NAV2: variants seen among roughly 807,000 people sequenced by gnomAD.
NAV2 encodes the protein helicase, APC down-regulated 1.
In NAV2, 54 loss-of-function variants were observed where a neutral mutation model predicts 223.2. That is an observed-to-expected ratio of 0.24 (90% CI 0.19 to 0.30). The LOEUF is 0.30. NAV2 is among the 10% of genes least tolerant of loss of function. The pLI, the probability that NAV2 is intolerant of heterozygous loss-of-function variation, is 1.00. For synonymous variants in NAV2, 1,279 were observed against 1,239.3 expected, an observed-to-expected ratio of 1.03 and a Z score of -0.67; for missense variants, 2,806 against 3,147.5, an observed-to-expected ratio of 0.89 and a Z score of 2.60.
At chr11:19,405,245 A>G (rs1237561633) in intron 1 of NAV2, among the ~76,000 whole-genome samples, 2 of 152,204 alleles carry the variant, frequency 1.3e-5, no homozygotes, top group Non-Finnish European at 2.9e-5. Flanking sequence ...TGGGGAGATC[A>G]TGGAAAGGAA....
chr11:19,960,929 GC>G (rs143945218), intron 10 of NAV2, among the ~76,000 whole-genome samples: 6,976 of 151,934 alleles, frequency 0.046, 567 homozygotes, highest in African/African-American at 0.16. Context: ...CACCCTCTTT[GC>G]CTGGAGAGTA....
intron 1 of NAV2, among the ~76,000 whole-genome samples, chr11:19,422,518 G>A (rs1850658741): frequency 6.6e-6 from 1 of 152,304 alleles, no homozygotes; most frequent in East Asian, 1.9e-4. Context: ...TGTGGGTTGG[G>A]TAGGAGCTGG....
At chr11:19,636,045 G>T (rs894600444) in intron 1 of NAV2, among the ~76,000 whole-genome samples, 1 of 152,208 alleles carries the variant, frequency 6.6e-6, no homozygotes, top group Non-Finnish European at 1.5e-5. Flanking sequence ...CTCATGAAAT[G>T]ACAACGAACT....
In NAV2 at chr11:19,361,658, T is replaced by A. The variant is rs1452255538; in HGVS notation, c.75+10631T>A. ...GATCAATACAGCTTGAAAACGTGAGTGTGGGATGTGTGAGCTCTCTTTTCT... is the reference window on the plus strand; with the variant it reads ...GATCAATACAGCTTGAAAACGTGAGAGTGGGATGTGTGAGCTCTCTTTTCT... On this transcript the variant is annotated intron_variant, in intron 1 of 37. Transcript: ENST00000360655. Among the ~76,000 whole-genome samples the A allele has an allele frequency of 2.0e-5, 3 of 152,150 alleles. No individual in the cohort carries two copies. In the East Asian group the frequency reaches 5.8e-4, roughly 29 times the overall value.
intron 1 of NAV2, among the ~76,000 whole-genome samples, chr11:19,669,237 CCATGTTGGACACCTA>C (rs2135790749): frequency 6.6e-6 from 1 of 152,344 alleles, no homozygotes; most frequent in Admixed American, 6.5e-5. Context: ...CAGGCTCCAG[CCATGTTGGACACCTA>C]CATGCACTGT....
At chr11:20,043,905 C>A in intron 12 of NAV2, 76 bp from the exon 13 acceptor site, 1 of 1,431,152 alleles carries the variant, frequency 7.0e-7, no homozygotes. Context: ...AGTGTTTTGG[C>A]ATTTTTGCCT....
intron 26 of NAV2, among the ~76,000 whole-genome samples, chr11:20,086,482 T>C (rs1228743890): frequency 6.6e-6 from 1 of 152,216 alleles, no homozygotes; most frequent in East Asian, 1.9e-4. Flanking sequence ...GTGCTCCCCA[T>C]GGTCCCTTTG....
At chr11:19,486,834 A>T (rs1308127025) in intron 1 of NAV2, among the ~76,000 whole-genome samples, 1 of 152,232 alleles carries the variant, frequency 6.6e-6, no homozygotes, top group East Asian at 1.9e-4. Context: ...TGAATGAAGG[A>T]ATGAATGGGT....
chr11:19,918,132 C>T (rs886282270), intron 6 of NAV2, among the ~76,000 whole-genome samples: 19 of 152,252 alleles, frequency 1.2e-4, no homozygotes, highest in African/African-American at 4.6e-4. Context: ...AAGCCCAGTG[C>T]ACCTCAGTGT....
chr11:19,601,289 C>T (rs2046344015), intron 1 of NAV2, among the ~76,000 whole-genome samples: 12 of 152,224 alleles, frequency 7.9e-5, no homozygotes, highest in Admixed American at 7.9e-4. Context: ...CTACTTGGAA[C>T]ATCCTCCCTT....
chr11:19,897,358 T>A (rs12223461), intron 6 of NAV2, among the ~76,000 whole-genome samples: 34,208 of 151,904 alleles, frequency 0.23, 4,351 homozygotes, highest in East Asian at 0.48. Flanking sequence ...GTTGTGCACA[T>A]GTACCCTAAA....
intron 1 of NAV2, among the ~76,000 whole-genome samples, chr11:19,632,095 C>T (rs2135499223): frequency 6.6e-6 from 1 of 152,300 alleles, no homozygotes; most frequent in African/African-American, 2.4e-5. Flanking sequence ...TTACATGTCG[C>T]TTCAAAGGCC....
chr11:19,865,085 G>T (rs2062012321), intron 3 of NAV2, among the ~76,000 whole-genome samples: 1 of 152,184 alleles, frequency 6.6e-6, no homozygotes, highest in African/African-American at 2.4e-5. Context: ...TTGGAAAGTA[G>T]TTTATATTGG....
chr11:19,876,066 A>G (rs988951051), intron 4 of NAV2, among the ~76,000 whole-genome samples: 1 of 152,056 alleles, frequency 6.6e-6, no homozygotes, highest in Non-Finnish European at 1.5e-5. Flanking sequence ...TGCTCTGTTG[A>G]CCAGGCTGGA....
intron 1 of NAV2, among the ~76,000 whole-genome samples, chr11:19,763,692 T>C (rs1024628102): frequency 8.5e-5 from 13 of 152,092 alleles, no homozygotes; most frequent in Admixed American, 4.6e-4. Flanking sequence ...CTCAGCTCCA[T>C]GGGAGACTGT....
chr11:19,767,777 G>A (rs1360748520), intron 1 of NAV2, among the ~76,000 whole-genome samples: 1 of 152,200 alleles, frequency 6.6e-6, no homozygotes, highest in African/African-American at 2.4e-5. Context: ...GGGAAGACCA[G>A]AACTTGAATT....
chr11:19,913,126 A>ACT (rs1163649496), intron 6 of NAV2, among the ~76,000 whole-genome samples: 1 of 152,026 alleles, frequency 6.6e-6, no homozygotes, highest in Non-Finnish European at 1.5e-5. Flanking sequence ...GGTTTGAATC[A>ACT]CTCTGTCCTG....
chr11:20,075,684 G>A (rs185112147), intron 22 of NAV2, among the ~76,000 whole-genome samples: 1 of 152,134 alleles, frequency 6.6e-6, no homozygotes, highest in East Asian at 1.9e-4. Flanking sequence ...GTTTAATGAA[G>A]TCTAATAACA....
chr11:19,920,391 G>A (rs56758426), intron 6 of NAV2, among the ~76,000 whole-genome samples: 7,824 of 152,190 alleles, frequency 0.051, 686 homozygotes, highest in African/African-American at 0.18. Context: ...AGGTTCAAGC[G>A]ATTCCCCTGC....
Sources: allele counts gnomAD v4.1 joint callset (sites outside exome capture counted in the v4.1 genomes callset), GRCh38; gene constraint gnomAD v4.1.1; transcripts MANE v1.5; gene names NCBI Gene and HGNC (gene_info 2026-07-23, HGNC 2026-07-21).